RNF145: variants seen among roughly 807,000 people sequenced by gnomAD.
The protein encoded by RNF145 is ring finger protein 145.
In RNF145, 12 loss-of-function variants were observed where a neutral mutation model predicts 57.3. The observed-to-expected ratio is 0.21, with a 90% confidence interval of 0.13 to 0.34. The LOEUF is 0.34. Ranked by LOEUF, RNF145 falls within the 10% of genes least tolerant of loss-of-function variation. RNF145 has a pLI of 1.00. For missense variants in RNF145, 429 were observed against 799.0 expected (o/e 0.54, Z 5.58); for synonymous variants, 262 against 288.3 (o/e 0.91, Z 0.92).
At chr5:159,206,579 T>C (rs1022555612) in intron 1 of RNF145, among the ~76,000 whole-genome samples, 5 of 152,174 alleles carry the variant, frequency 3.3e-5, no homozygotes, top group African/African-American at 1.2e-4. Flanking sequence ...CGAAGTAAAA[T>C]GGAGCCTTCT....
intron 10 of RNF145, among the ~76,000 whole-genome samples, chr5:159,159,783 A>G (rs1209614294): frequency 6.6e-6 from 1 of 152,238 alleles, no homozygotes; most frequent in Non-Finnish European, 1.5e-5. Context: ...CATAAGATAT[A>G]TATGAAGAGA....
chr5:159,183,560 GAAAACTAA>G (rs1784963733), intron 3 of RNF145, among the ~76,000 whole-genome samples: 1 of 151,772 alleles, frequency 6.6e-6, no homozygotes, highest in African/African-American at 2.4e-5. Flanking sequence ...TATATAGTTA[GAAAACTAA>G]AAAATTAAAA....
intron 4 of RNF145, among the ~76,000 whole-genome samples, chr5:159,178,733 A>G (rs972445040): frequency 2.7e-4 from 41 of 152,092 alleles, no homozygotes; most frequent in African/African-American, 9.4e-4. Flanking sequence ...ATTTCCAAAC[A>G]GTAATATAAT....
chr5:159,182,092 T>C (rs1476066686), intron 3 of RNF145, 41 bp from the exon 4 acceptor site: 3 of 1,201,464 alleles, frequency 2.5e-6, no homozygotes, highest in Non-Finnish European at 3.7e-6. Flanking sequence ...ATTAGATACA[T>C]TCCTAGCGGA....
intron 10 of RNF145, among the ~76,000 whole-genome samples, chr5:159,160,252 C>A (rs1784168720): frequency 6.6e-6 from 1 of 152,088 alleles, no homozygotes; most frequent in South Asian, 2.1e-4. Context: ...GGCAGGAACC[C>A]TACATTACTC....
At chr5:159,186,433 T>C (rs1385760473) in intron 3 of RNF145, among the ~76,000 whole-genome samples, 2 of 152,220 alleles carry the variant, frequency 1.3e-5, no homozygotes, top group African/African-American at 2.4e-5. Flanking sequence ...TAGGAACAAC[T>C]TGTACATTCT....
At chr5:159,199,136 A>G (rs1012422350) in intron 2 of RNF145, among the ~76,000 whole-genome samples, 1 of 152,204 alleles carries the variant, frequency 6.6e-6, no homozygotes, top group Non-Finnish European at 1.5e-5. Flanking sequence ...AATGCAACAT[A>G]ATAATTGCTA....
At chr5:159,162,625 G>A (rs1021731748) in intron 9 of RNF145, among the ~76,000 whole-genome samples, 2 of 151,344 alleles carry the variant, frequency 1.3e-5, no homozygotes, top group South Asian at 2.1e-4. Flanking sequence ...TAGTAGAGAC[G>A]GGGTTTCACC....
chr5:159,207,359 T>A (rs767413951), intron 1 of RNF145: 82 of 680,148 alleles, frequency 1.2e-4, no homozygotes, highest in Non-Finnish European at 1.8e-4. Context: ...CCTCCTAAAC[T>A]TTTTTTTAAA....
chr5:159,164,368 A>G (rs1409515717), intron 8 of RNF145, among the ~76,000 whole-genome samples: 1 of 152,156 alleles, frequency 6.6e-6, no homozygotes, highest in East Asian at 1.9e-4. Context: ...TGAATTATAG[A>G]TCTAATAGGG....
intron 2 of RNF145, 21 bp from the exon 3 acceptor site, chr5:159,194,845 A>C (rs768154289): frequency 1.8e-5 from 27 of 1,470,332 alleles, no homozygotes; most frequent in Non-Finnish European, 2.5e-5. Context: ...AAGATAAATA[A>C]AATACAATTT....
rs748712577 is a variant in RNF145, at chr5:159,169,735, G to C, written c.882C>G (p.Leu294=). The C allele has an allele frequency of 1.9e-6, 3 of 1,613,264 alleles. No individual in the cohort carries two copies. Among genetic ancestry groups the C allele is most frequent in the Middle Eastern group, 3.3e-4 (2 of 6,042 alleles). Residue 294 remains leucine, a synonymous_variant, in exon 7 of 11, where the codon CTC becomes CTG. Coordinates refer to ENST00000424310, the MANE Select transcript of RNF145 (RefSeq NM_001199383.2). ...VSFVALGVLT[L]CKFYLQGYRA... ...GATAACCCTGCAAGTAAAACTTGCAGAGTGTGAGAACACCCAAGGCAACAA... is the reference window on the plus strand; with the variant it reads ...GATAACCCTGCAAGTAAAACTTGCACAGTGTGAGAACACCCAAGGCAACAA...
intron 3 of RNF145, among the ~76,000 whole-genome samples, chr5:159,185,405 C>T (rs947481094): frequency 6.6e-6 from 1 of 152,162 alleles, no homozygotes; most frequent in African/African-American, 2.4e-5. Context: ...AAATAAGAAT[C>T]AGGGTTAACA....
At chr5:159,199,265 T>C (rs955540519) in intron 2 of RNF145, among the ~76,000 whole-genome samples, 2 of 151,726 alleles carry the variant, frequency 1.3e-5, no homozygotes, top group African/African-American at 4.9e-5. Flanking sequence ...CTACGTTCGG[T>C]CACCCAAACA....
At chr5:159,194,378 G>A (rs905370209) in intron 3 of RNF145, among the ~76,000 whole-genome samples, 1 of 152,052 alleles carries the variant, frequency 6.6e-6, no homozygotes, top group African/African-American at 2.4e-5. Flanking sequence ...CACCATGTTG[G>A]CCAGGCTGGT....
At chr5:159,208,092 A>G in intron 1 of RNF145, 1 of 1,468,888 alleles carries the variant, frequency 6.8e-7, no homozygotes, top group Non-Finnish European at 8.9e-7. Context: ...ATGCCTGCTC[A>G]CTGCACAGGC....
intron 5 of RNF145, among the ~76,000 whole-genome samples, chr5:159,175,445 G>A (rs1027801891): frequency 2.6e-5 from 4 of 151,796 alleles, no homozygotes; most frequent in Non-Finnish European, 5.9e-5. Context: ...AAAAATGAAG[G>A]CTGAGGTTAT....
chr5:159,198,220 C>T (rs1391453410), intron 2 of RNF145, among the ~76,000 whole-genome samples: 4 of 148,614 alleles, frequency 2.7e-5, no homozygotes, highest in Non-Finnish European at 5.9e-5. Context: ...CCAATCTGGG[C>T]GACAGTGAGA....
At chr5:159,162,591 C>T (rs371982053) in intron 9 of RNF145, among the ~76,000 whole-genome samples, 204 of 151,562 alleles carry the variant, frequency 1.3e-3, no homozygotes, top group African/African-American at 4.6e-3. Flanking sequence ...CCCGCCACCG[C>T]GCCCGGCTAA....
Sources: gnomAD v4.1 joint callset for allele counts (sites outside exome capture counted in the v4.1 genomes callset) on GRCh38, gnomAD v4.1.1 for gene constraint, MANE v1.5 for transcripts, NCBI Gene and HGNC (gene_info 2026-07-23, HGNC 2026-07-21) for gene names.